Variants in TGS1 observed in about 807,000 individuals in gnomAD.
The protein encoded by TGS1 is trimethylguanosine synthase 1.
A neutral mutation model predicts 92.2 loss-of-function variants in TGS1; 69 were observed. That is an observed-to-expected ratio of 0.75 (90% CI 0.62 to 0.91). The LOEUF (loss-of-function observed/expected upper bound fraction) is 0.91. TGS1 is among the 40% of genes least tolerant of loss of function. The pLI is 0.00. For missense variants in TGS1, 1,062 were observed against 1,001.2 expected, an observed-to-expected ratio of 1.06 and a Z score of -0.82; for synonymous variants, 345 against 338.1, an observed-to-expected ratio of 1.02 and a Z score of -0.22.
In TGS1 at chr8:55,806,615, G is replaced by T. The variant is rs1312462266; in HGVS notation, c.2143+1579G>T. On this transcript the variant is annotated intron_variant, in intron 10 of 12. Coordinates refer to ENST00000260129, the MANE Select transcript of TGS1 (RefSeq NM_024831.8). ...GGAGTCCAAAATTATACAGATTTTT[G>T]ACTTCACAAGAGATCAGGGCTCCTA... Among the ~76,000 whole-genome samples the T allele has an allele frequency of 2.0e-5, 3 of 152,004 alleles. No individual in the cohort carries two copies. In the East Asian group the frequency reaches 5.8e-4, roughly 29 times the overall value.
chr8:55,814,579 T>G (rs1803422121), intron 12 of TGS1, among the ~76,000 whole-genome samples: 2 of 150,514 alleles, frequency 1.3e-5, no homozygotes, highest in East Asian at 4.0e-4. Context: ...ATCCCAGCAC[T>G]TTGGGAGGCC....
rs146432669 is a variant in TGS1 at position 55,802,576 on chromosome 8, C to T, written c.1969C>T (p.Arg657Cys). The T allele has an allele frequency of 5.6e-6, 9 of 1,613,428 alleles. No homozygotes were observed. In the East Asian group the frequency reaches 1.6e-4, roughly 28 times the overall value. Reference protein sequence around the residue: ...YWAQRYRLFSRFDDGIKLDRE... With the variant: ...YWAQRYRLFSCFDDGIKLDRE... ...GGCCCAGAGGTACAGGCTCTTCTCC[C>T]GTTTTGATGATGGGATTAAGTTGGA... The change falls in exon 9 of 13, where the codon CGT becomes TGT. Residue 657 changes from arginine to cysteine, a missense_variant. Transcript: ENST00000260129.
intron 10 of TGS1, among the ~76,000 whole-genome samples, chr8:55,806,281 G>A (rs1488239988): frequency 3.3e-5 from 5 of 149,254 alleles, no homozygotes; most frequent in African/African-American, 7.4e-5. Flanking sequence ...GCATGAACCC[G>A]GGAGGTGGAG....
In TGS1 at chr8:55,813,111, T is replaced by C. The variant is rs777075336; in HGVS notation, c.2432T>C (p.Ile811Thr). The C allele has an allele frequency of 1.9e-6, 3 of 1,607,444 alleles. No individual in the cohort carries two copies. The highest frequency in any genetic ancestry group is 1.7e-4 in the Middle Eastern group (1 of 6,050). Reference sequence around the variant, plus strand: ...TATTTTCTTCCAAGAAATGCTGATATTGACCAGGTAAGCCATTACTGAAAA... The same window carrying C: ...TATTTTCTTCCAAGAAATGCTGATACTGACCAGGTAAGCCATTACTGAAAA... ...IVYFLPRNADIDQVASLAGPG... is the reference protein window; with the variant it reads ...IVYFLPRNADTDQVASLAGPG... The change falls in exon 12 of 13, where the codon ATT (isoleucine) becomes ACT (threonine). Residue 811 changes from isoleucine (I) to threonine (T), a missense_variant. Coordinates refer to ENST00000260129, the MANE Select transcript of TGS1 (RefSeq NM_024831.8).
intron 4 of TGS1, among the ~76,000 whole-genome samples, chr8:55,789,614 A>G (rs991896458): frequency 1.1e-4 from 16 of 152,244 alleles, no homozygotes; most frequent in Non-Finnish European, 4.4e-5. Flanking sequence ...TAAATTTAAT[A>G]GAGTTTAACT....
At chr8:55,820,536 C>CA (rs1803607305) in intron 12 of TGS1, among the ~76,000 whole-genome samples, 1 of 152,006 alleles carries the variant, frequency 6.6e-6, no homozygotes, top group Admixed American at 6.6e-5. Context: ...AGACTCGTCT[C>CA]AAAAAACAAA....
At chr8:55,807,828 C>A (rs1258189982) in intron 10 of TGS1, among the ~76,000 whole-genome samples, 1 of 152,144 alleles carries the variant, frequency 6.6e-6, no homozygotes, top group Non-Finnish European at 1.5e-5. Flanking sequence ...CACACTGAGA[C>A]AAGAAGCAGA....
intron 8 of TGS1, among the ~76,000 whole-genome samples, chr8:55,801,455 A>G (rs1341739114): frequency 6.8e-6 from 1 of 147,146 alleles, no homozygotes; most frequent in East Asian, 2.0e-4. Flanking sequence ...ATTTTTTTTT[A>G]GTAGAGATGG....
intron 5 of TGS1, 89 bp from the exon 6 acceptor site, chr8:55,792,609 G>T: frequency 1.2e-6 from 1 of 852,004 alleles, no homozygotes. Context: ...AAGTTTGCAT[G>T]GGTCAATTAT....
intron 7 of TGS1, among the ~76,000 whole-genome samples, chr8:55,798,338 A>G (rs770478872): frequency 4.5e-4 from 68 of 152,334 alleles, no homozygotes; most frequent in Non-Finnish European, 7.5e-4. Context: ...TTTACATTCC[A>G]AAGAACAAAC....
At chr8:55,795,579 A>G (rs536917370) in intron 6 of TGS1, among the ~76,000 whole-genome samples, 4 of 152,188 alleles carry the variant, frequency 2.6e-5, no homozygotes, top group African/African-American at 7.2e-5. Flanking sequence ...AGATAATTCA[A>G]ATGTATCCAG....
intron 6 of TGS1, 105 bp from the exon 7 acceptor site, chr8:55,795,873 A>G (rs954432515): frequency 1.2e-6 from 1 of 838,254 alleles, no homozygotes. Context: ...AAGGGAATTA[A>G]AATGGTGTAA....
chr8:55,788,717 G>A (rs1316582076), intron 4 of TGS1, among the ~76,000 whole-genome samples: 1 of 152,122 alleles, frequency 6.6e-6, no homozygotes. Flanking sequence ...TCCCGCCTCA[G>A]CCTCCCAAAG....
chr8:55,798,603 T>C (rs1421174343), intron 7 of TGS1, among the ~76,000 whole-genome samples: 1 of 152,242 alleles, frequency 6.6e-6, no homozygotes, highest in Non-Finnish European at 1.5e-5. Context: ...ACAGTTAAAT[T>C]GTTAAGAACC....
chr8:55,785,952 G>C, intron 3 of TGS1, 61 bp downstream of exon 3: 1 of 1,390,008 alleles, frequency 7.2e-7, no homozygotes, highest in Non-Finnish European at 9.9e-7. Context: ...AATATCGCAA[G>C]GAATTACTTT....
In TGS1 at chr8:55,785,770, A is replaced by G. The variant is rs763372613; in HGVS notation, c.218A>G (p.Glu73Gly). Residue 73 changes from glutamate to glycine, a missense_variant, in exon 3 of 13, where the codon GAA becomes GGA. By Grantham distance (98) the Glu-to-Gly change is moderately conservative. Coordinates refer to ENST00000260129, the MANE Select transcript of TGS1 (RefSeq NM_024831.8). ...GGTGGTTATTCCTGTGGTACTGCAG[A>G]ATCACATGACAGCAAAGGCATAGGC... ...EEGGYSCGTAESHDSKGIGLD... is the reference protein window; with the variant it reads ...EEGGYSCGTAGSHDSKGIGLD... 1.2e-6 allele frequency: 2 copies of G among 1,613,626 alleles called. No individual in the cohort carries two copies. The highest frequency in any genetic ancestry group is 1.7e-4 in the Middle Eastern group (1 of 6,060).
intron 1 of TGS1, among the ~76,000 whole-genome samples, chr8:55,781,143 A>G (rs1246219779): frequency 6.6e-6 from 1 of 152,196 alleles, no homozygotes; most frequent in East Asian, 1.9e-4. Flanking sequence ...TGTGTGTTTT[A>G]CACGCATACA....
At chr8:55,788,003 A>G (rs1811770269) in intron 4 of TGS1, among the ~76,000 whole-genome samples, 1 of 152,186 alleles carries the variant, frequency 6.6e-6, no homozygotes, top group Non-Finnish European at 1.5e-5. Flanking sequence ...CCATGACCCA[A>G]ACACTTCCCA....
chr8:55,775,352 A>G (rs1033101476), intron 1 of TGS1, among the ~76,000 whole-genome samples: 11 of 152,226 alleles, frequency 7.2e-5, no homozygotes, highest in South Asian at 4.1e-4. Context: ...GACTATAGGA[A>G]AACCTTAAGC....
Sources: allele counts gnomAD v4.1 joint callset (sites outside exome capture counted in the v4.1 genomes callset), GRCh38; gene constraint gnomAD v4.1.1; transcripts MANE v1.5; gene names NCBI Gene and HGNC (gene_info 2026-07-23, HGNC 2026-07-21).